ADAMTS14: variants seen among roughly 807,000 people sequenced by gnomAD.
ADAMTS14 encodes ADAM metallopeptidase with thrombospondin type 1 motif 14.
Under a neutral mutation model 128.6 loss-of-function variants are expected in ADAMTS14, and 100 were observed. The observed-to-expected ratio is 0.78, with a 90% CI of 0.66 to 0.92. The LOEUF is 0.92. Among genes scored for constraint, ADAMTS14 ranks in the 40% least tolerant of loss-of-function variants. ADAMTS14 has a pLI of 0.00. For missense variants in ADAMTS14, 1,562 were observed against 1,658.6 expected (o/e 0.94, Z 1.01); for synonymous variants, 665 against 653.8 (o/e 1.02, Z -0.26).
chr10:70,694,518 A>G (rs1034643359), intron 2 of ADAMTS14, among the ~76,000 whole-genome samples: 1 of 152,080 alleles, frequency 6.6e-6, no homozygotes, highest in African/African-American at 2.4e-5. Flanking sequence ...GCCTTTAGCT[A>G]TTCACCCCCG....
chr10:70,680,186 G>A (rs1425016393), intron 2 of ADAMTS14, among the ~76,000 whole-genome samples: 1 of 152,196 alleles, frequency 6.6e-6, no homozygotes, highest in African/African-American at 2.4e-5. Context: ...TGGATCACCT[G>A]AGGTGGGGAG....
At chr10:70,681,611 C>T (rs1025052706) in intron 2 of ADAMTS14, among the ~76,000 whole-genome samples, 1 of 152,220 alleles carries the variant, frequency 6.6e-6, no homozygotes, top group African/African-American at 2.4e-5. Flanking sequence ...GTCTCCTGTG[C>T]CAAACACCTG....
At chr10:70,690,286 G>A (rs935196081) in intron 2 of ADAMTS14, among the ~76,000 whole-genome samples, 4 of 144,532 alleles carry the variant, frequency 2.8e-5, no homozygotes, top group African/African-American at 9.8e-5. Context: ...TGGAACCTGT[G>A]CTAGTGGTGC....
chr10:70,742,142 G>A (rs2132708818), intron 12 of ADAMTS14, among the ~76,000 whole-genome samples: 1 of 152,264 alleles, frequency 6.6e-6, no homozygotes, highest in South Asian at 2.1e-4. Flanking sequence ...CCTTGCAGGG[G>A]GTGTCTTCTC....
At chr10:70,753,769 CT>C in intron 18 of ADAMTS14, 30 bp from the exon 19 acceptor site, 1 of 1,521,760 alleles carries the variant, frequency 6.6e-7, no homozygotes, top group Non-Finnish European at 8.9e-7. Flanking sequence ...CCCCCTTGGT[CT>C]CACCTCCTCT....
intron 6 of ADAMTS14, among the ~76,000 whole-genome samples, chr10:70,731,440 T>A (rs1683475112): frequency 6.6e-6 from 1 of 152,184 alleles, no homozygotes; most frequent in Admixed American, 6.5e-5. Context: ...AAGGAATAGC[T>A]CTGTCTGGGG....
Position 70,708,635 on chromosome 10 carries a change from C to A in ADAMTS14, c.727C>A (p.Gln243Lys), listed in dbSNP as rs774044571. The change falls in exon 4 of 22, where the codon CAG becomes AAG. Residue 243 changes from glutamine (Q) to lysine (K), a missense_variant. By Grantham distance (53) the Gln-to-Lys change is moderately conservative. Coordinates refer to ENST00000373207, the MANE Select transcript of ADAMTS14 (RefSeq NM_080722.4). ...CAACCTGCTGGGCCTGGTGGGGGAC[C>A]AGCTGGGCGACACAGAGCGGAAGCG... is the stretch of plus-strand genomic sequence containing the variant. ...LPNLLGLVGD[Q>K]LGDTERKRRH... 2.5e-6 allele frequency: 4 copies of A among 1,611,928 alleles called. No individual in the cohort carries two copies. The South Asian group carries it at 4.4e-5, about 18-fold the overall frequency.
chr10:70,705,611 C>T (rs1026671861), intron 3 of ADAMTS14, among the ~76,000 whole-genome samples: 4 of 152,256 alleles, frequency 2.6e-5, no homozygotes, highest in Admixed American at 1.3e-4. Context: ...TGCCGTCCAA[C>T]GCCCCCTGGC....
chr10:70,733,936 C>G lies in ADAMTS14; in HGVS notation c.1260C>G (p.Ser420Arg). The G allele has an allele frequency of 6.2e-7, 1 of 1,613,902 alleles. No individual in the cohort carries two copies. The highest frequency in any genetic ancestry group is 8.5e-7 in the Non-Finnish European group (1 of 1,179,992). Residue 420 changes from serine to arginine, a missense_variant, in exon 8 of 22, where the codon AGC (serine) becomes AGG (arginine). Physicochemically the swap from Ser to Arg is moderately radical, Grantham distance 110. Transcript: ENST00000373207. ...GQGNGCADET[S>R]LGSVMAPLVQ... ...GGAATGGCTGTGCAGATGAGACCAG[C>G]CTGGGCAGCGTCATGGCGCCCCTGG...
At chr10:70,709,862 A>G (rs934269627) in intron 4 of ADAMTS14, among the ~76,000 whole-genome samples, 1 of 152,244 alleles carries the variant, frequency 6.6e-6, no homozygotes, top group Admixed American at 6.5e-5. Context: ...AAAATACACT[A>G]TAGGCCACAG....
chr10:70,756,362 G>T, intron 19 of ADAMTS14, among the ~76,000 whole-genome samples: 1 of 152,258 alleles, frequency 6.6e-6, no homozygotes, highest in Middle Eastern at 3.4e-3. Context: ...ATAATATATA[G>T]CTTCATTTGT....
rs952014341 is a variant in ADAMTS14, at chr10:70,730,170, C to G, written c.1023C>G (p.Ser341=). ...SLEQVCRWAH[S]QQRQDPSHAE... ...AGCAGGTGTGTCGCTGGGCACACTC[C>G]CAGCAGCGCCAGGACCCCAGCCACG... Residue 341 remains serine (S), a synonymous_variant, in exon 6 of 22, where the codon TCC becomes TCG. Coordinates refer to ENST00000373207, the MANE Select transcript of ADAMTS14 (RefSeq NM_080722.4). The G allele has an allele frequency of 1.2e-6, 2 of 1,613,652 alleles. No individual in the cohort carries two copies. The highest frequency in any genetic ancestry group is 1.3e-5 in the African/African-American group (1 of 75,062).
rs150075145 is a variant in ADAMTS14 at position 70,704,865 on chromosome 10, C to T, written c.679+2397C>T. Reference sequence around the variant, plus strand: ...AAACACACGCTTACAAGCACACACCCGTACACCCACACTCAAACACTGACA... The same window carrying T: ...AAACACACGCTTACAAGCACACACCTGTACACCCACACTCAAACACTGACA... On this transcript the variant is annotated intron_variant, in intron 3 of 21. Coordinates refer to ENST00000373207, the MANE Select transcript of ADAMTS14 (RefSeq NM_080722.4). Among the ~76,000 whole-genome samples the T allele has an allele frequency of 1.6e-3, 240 of 152,138 alleles. 2 individuals carry two copies. Among genetic ancestry groups the T allele is most frequent in the East Asian group, 5.4e-3 (28 of 5,170 alleles).
chr10:70,716,564 T>C (rs546920193), intron 4 of ADAMTS14, among the ~76,000 whole-genome samples: 1 of 152,322 alleles, frequency 6.6e-6, no homozygotes, highest in South Asian at 2.1e-4. Context: ...CTGTCCATTG[T>C]GTGGAAGCTT....
intron 18 of ADAMTS14, 135 bp downstream of exon 18, chr10:70,752,362 G>T: frequency 7.6e-7 from 1 of 1,312,226 alleles, no homozygotes. Flanking sequence ...AACTTTCAGT[G>T]CTTCTGGGCT....
chr10:70,745,408 A>C, intron 15 of ADAMTS14, 102 bp downstream of exon 15: 15 of 1,213,274 alleles, frequency 1.2e-5, no homozygotes, highest in African/African-American at 1.5e-5. Context: ...TACAAGTGGA[A>C]TTGTACTAAC....
chr10:70,711,047 T>C (rs1840840198), intron 4 of ADAMTS14, among the ~76,000 whole-genome samples: 2 of 152,190 alleles, frequency 1.3e-5, no homozygotes. Flanking sequence ...ATCCATAGGA[T>C]GCAAATGATG....
intron 21 of ADAMTS14, among the ~76,000 whole-genome samples, 179 bp downstream of exon 21, chr10:70,758,464 G>A (rs752334530): frequency 5.9e-5 from 9 of 152,106 alleles, no homozygotes; most frequent in East Asian, 1.9e-4. Flanking sequence ...TCCATGAGCC[G>A]TTACCTGCAA....
At chr10:70,680,608 G>A (rs1232438395) in intron 2 of ADAMTS14, among the ~76,000 whole-genome samples, 1 of 152,152 alleles carries the variant, frequency 6.6e-6, no homozygotes, top group Non-Finnish European at 1.5e-5. Context: ...TTCCTCATCT[G>A]TAGGAAGGGC....
Sources: allele counts gnomAD v4.1 joint callset (sites outside exome capture counted in the v4.1 genomes callset), GRCh38; gene constraint gnomAD v4.1.1; transcripts MANE v1.5; gene names NCBI Gene and HGNC (gene_info 2026-07-23, HGNC 2026-07-21).